The following SOX5 variants were observed in gnomAD, a reference collection of about 807,000 sequenced individuals.
SOX5 encodes transcription factor SOX-5.
Under a neutral mutation model 92.0 loss-of-function variants are expected in SOX5, and 9 were observed. That is an observed-to-expected ratio of 0.10 (90% CI 0.06 to 0.17). The LOEUF is 0.17. Among genes scored for constraint, SOX5 ranks in the 10% least tolerant of loss-of-function variants. The probability of loss-of-function intolerance (pLI) is 1.00; values close to 1 mark genes in which losing one functional copy is unlikely to be tolerated. For synonymous variants in SOX5, 344 were observed against 336.3 expected, an observed-to-expected ratio of 1.02 and a Z score of -0.25; for missense variants, 642 against 944.5, an observed-to-expected ratio of 0.68 and a Z score of 4.20.
intron 6 of SOX5, among the ~76,000 whole-genome samples, chr12:23,674,972 A>G (rs1210189652): frequency 6.6e-6 from 1 of 152,164 alleles, no homozygotes; most frequent in East Asian, 1.9e-4. Flanking sequence ...CCCTATCCTG[A>G]AGATCTTAAA....
intron 4 of SOX5, among the ~76,000 whole-genome samples, chr12:24,126,465 G>A (rs900662836): frequency 2.6e-5 from 4 of 152,130 alleles, no homozygotes; most frequent in African/African-American, 9.7e-5. Flanking sequence ...TTCACACCAT[G>A]CTATCCTTAC....
chr12:24,141,160 G>A (rs1357771532), intron 4 of SOX5, among the ~76,000 whole-genome samples: 1 of 151,992 alleles, frequency 6.6e-6, no homozygotes, highest in Non-Finnish European at 1.5e-5. Context: ...TCTCTTCATG[G>A]CTAAAAAACA....
At chr12:24,017,142 T>C (rs1247611668) in intron 4 of SOX5, among the ~76,000 whole-genome samples, 1 of 152,210 alleles carries the variant, frequency 6.6e-6, no homozygotes, top group Non-Finnish European at 1.5e-5. Context: ...ATTGTATTTG[T>C]CTTTTAAAAT....
intron 3 of SOX5, among the ~76,000 whole-genome samples, chr12:23,840,934 A>G (rs1296684431): frequency 6.6e-6 from 1 of 152,136 alleles, no homozygotes; most frequent in African/African-American, 2.4e-5. Context: ...GGATTATGTG[A>G]TGATTGCTTA....
At chr12:23,772,058 G>T (rs777658618) in intron 3 of SOX5, among the ~76,000 whole-genome samples, 1 of 152,060 alleles carries the variant, frequency 6.6e-6, no homozygotes, top group African/African-American at 2.4e-5. Flanking sequence ...ATATTTGCAT[G>T]CCTGCTCTTA....
At chr12:24,312,995 T>C (rs547481181) in intron 2 of SOX5, among the ~76,000 whole-genome samples, 100 of 152,320 alleles carry the variant, frequency 6.6e-4, no homozygotes, top group African/African-American at 2.3e-3. Context: ...GCCCCGGTTG[T>C]ATGCTTTTTT....
At chr12:24,470,165 C>T (rs74068354) in intron 1 of SOX5, among the ~76,000 whole-genome samples, 127 of 152,264 alleles carry the variant, frequency 8.3e-4, no homozygotes, top group African/African-American at 3.0e-3. Context: ...CCCTGAGTGC[C>T]ATTTATTACT....
At chr12:23,645,885 A>G (rs2080775608) in intron 7 of SOX5, among the ~76,000 whole-genome samples, 1 of 152,224 alleles carries the variant, frequency 6.6e-6, no homozygotes. Flanking sequence ...ACCACAATAA[A>G]GCAAGTAGCA....
intron 4 of SOX5, among the ~76,000 whole-genome samples, chr12:24,066,948 G>A (rs1015212992): frequency 1.3e-5 from 2 of 152,102 alleles, no homozygotes; most frequent in Non-Finnish European, 2.9e-5. Context: ...TGATTCAAAA[G>A]GAAAAGAGTC....
At chr12:24,286,547 AT>A (rs147286991) in intron 2 of SOX5, among the ~76,000 whole-genome samples, 5,261 of 152,050 alleles carry the variant, frequency 0.035, 167 homozygotes, top group East Asian at 0.078. Context: ...AAATATATAA[AT>A]TTTTTTAGAG....
chr12:24,311,233 A>G (rs1949139635), intron 2 of SOX5, among the ~76,000 whole-genome samples: 1 of 152,174 alleles, frequency 6.6e-6, no homozygotes, highest in Non-Finnish European at 1.5e-5. Flanking sequence ...CTCTAAAATC[A>G]TACTTCTATT....
At chr12:24,488,193 A>T (rs1299753866) in intron 1 of SOX5, among the ~76,000 whole-genome samples, 1 of 151,988 alleles carries the variant, frequency 6.6e-6, no homozygotes, top group Non-Finnish European at 1.5e-5. Context: ...GTTAAAAAAA[A>T]TTATTCAACT....
At chr12:23,695,759 G>A (rs1449488931) in intron 6 of SOX5, among the ~76,000 whole-genome samples, 1 of 151,474 alleles carries the variant, frequency 6.6e-6, no homozygotes, top group African/African-American at 2.4e-5. Context: ...GGCTAACACG[G>A]TGAAACCCCG....
intron 1 of SOX5, among the ~76,000 whole-genome samples, chr12:24,436,861 T>C (rs1939533009): frequency 1.3e-5 from 2 of 152,190 alleles, no homozygotes; most frequent in African/African-American, 4.8e-5. Context: ...AGCCAACGCT[T>C]ATTTACCATT....
chr12:24,034,570 A>G (rs368305245), intron 4 of SOX5, among the ~76,000 whole-genome samples: 2 of 144,126 alleles, frequency 1.4e-5, no homozygotes, highest in African/African-American at 5.1e-5. Context: ...GCTCGGGAGG[A>G]TTTTTTTTTT....
intron 4 of SOX5, among the ~76,000 whole-genome samples, chr12:24,108,368 T>C (rs1946928448): frequency 6.6e-6 from 1 of 152,204 alleles, no homozygotes; most frequent in South Asian, 2.1e-4. Flanking sequence ...TCATCATTAC[T>C]GTCATCAAGA....
At chr12:24,224,752 A>T (rs1961477449) in intron 3 of SOX5, among the ~76,000 whole-genome samples, 1 of 152,198 alleles carries the variant, frequency 6.6e-6, no homozygotes, top group African/African-American at 2.4e-5. Flanking sequence ...CAGGGAACTG[A>T]TGTTTCTACT....
intron 4 of SOX5, among the ~76,000 whole-genome samples, chr12:23,991,163 G>A (rs370074163): frequency 6.7e-6 from 1 of 148,998 alleles, no homozygotes; most frequent in African/African-American, 2.5e-5. Flanking sequence ...AGACCAGCCT[G>A]GGCAACACAG....
At chr12:24,293,785 G>A (rs546468690) in intron 2 of SOX5, among the ~76,000 whole-genome samples, 19 of 152,230 alleles carry the variant, frequency 1.2e-4, no homozygotes, top group African/African-American at 4.3e-4. Flanking sequence ...ACTGATACCA[G>A]TTTCTGAAAA....
Sources: allele counts gnomAD v4.1 joint callset (sites outside exome capture counted in the v4.1 genomes callset), GRCh38; gene constraint gnomAD v4.1.1; transcripts MANE v1.5; gene names NCBI Gene and HGNC (gene_info 2026-07-23, HGNC 2026-07-21).